The following KRT40 variants were observed in gnomAD, a reference collection of about 807,000 sequenced individuals.
KRT40 encodes the protein keratin 40.
In KRT40, 47 loss-of-function variants were observed where a neutral mutation model predicts 43.5. The observed-to-expected ratio is 1.08, with a 90% CI of 0.86 to 1.38. The LOEUF (loss-of-function observed/expected upper bound fraction) is 1.38, where lower values mean the gene tolerates loss of function less well. Among genes scored for constraint, KRT40 ranks in the 40% most tolerant of loss-of-function variants. KRT40 has a pLI of 0.00. For missense variants in KRT40, 573 were observed against 523.6 expected (o/e 1.09, Z -0.92); for synonymous variants, 212 against 214.0 (o/e 0.99, Z 0.08).
Position 40,980,825 on chromosome 17 carries a change from G to T in KRT40, c.935C>A (p.Ala312Asp), listed in dbSNP as rs754429823. ...QMEILELKRTASALEIELQAQ... is the reference protein window; with the variant it reads ...QMEILELKRTDSALEIELQAQ... Reference sequence around the variant, plus strand: ...TTGGAGCTCAATTTCCAGAGCACTGGCTGTGCGTTTCAGTTCCAAGATCTC... The same window carrying T: ...TTGGAGCTCAATTTCCAGAGCACTGTCTGTGCGTTTCAGTTCCAAGATCTC... The change falls in exon 5 of 7, where the codon GCC becomes GAC. Residue 312 changes from alanine to aspartate, a missense_variant. Coordinates refer to ENST00000377755, the MANE Select transcript of KRT40 (RefSeq NM_001389244.1). 1.9e-6 allele frequency: 3 copies of T among 1,612,298 alleles called. No individual in the cohort carries two copies. The highest frequency in any genetic ancestry group is 2.5e-6 in the Non-Finnish European group (3 of 1,179,884).
upstream of KRT40, chr17:40,986,460 A>G (rs1400383168): frequency 6.6e-6 from 1 of 152,204 alleles, no homozygotes; most frequent in Non-Finnish European, 1.5e-5. Flanking sequence ...TACAAGCACC[A>G]TCCTGTAAAA....
At chr17:40,983,786 T>C (rs1165869312) in intron 1 of KRT40, 41 bp downstream of exon 1, 4 of 1,581,042 alleles carry the variant, frequency 2.5e-6, no homozygotes, top group Middle Eastern at 1.7e-4. Context: ...AAGCAAACCA[T>C]AGATCAGGAA....
chr17:40,981,348 G>T (rs770578304), intron 3 of KRT40, 197 bp from the exon 4 acceptor site: 2 of 1,016,350 alleles, frequency 2.0e-6, no homozygotes, highest in Non-Finnish European at 3.0e-6. Context: ...ATAATAATTG[G>T]ACATTTTTCC....
rs763769467 is a variant in KRT40, at chr17:40,983,932, G to C, written c.342C>G (p.Asn114Lys). The C allele has an allele frequency of 4.3e-6, 7 of 1,614,056 alleles. No homozygotes were observed. Among genetic ancestry groups the C allele is most frequent in the Non-Finnish European group, 5.9e-6 (7 of 1,179,992 alleles). ...CTTGGATCCTGGATTCCAGCTCTGC[G>C]TTGGTCTCCTCCAGGCTGCGCACCT... ...LEKVRSLEET[N>K]AELESRIQEQ... The change falls in exon 1 of 7, where the codon AAC becomes AAG. Residue 114 changes from asparagine to lysine, a missense_variant. Coordinates refer to ENST00000377755, the MANE Select transcript of KRT40 (RefSeq NM_001389244.1).
intron 5 of KRT40, 53 bp downstream of exon 5, chr17:40,980,732 C>T (rs1431472258): frequency 1.3e-6 from 2 of 1,530,056 alleles, no homozygotes; most frequent in Non-Finnish European, 8.7e-7. Flanking sequence ...GGCTTAACAT[C>T]TCAGGGCCTG....
In KRT40 at chr17:40,978,299, G is replaced by A. The variant is rs781280835; in HGVS notation, c.1197-3C>T. The A allele has an allele frequency of 9.9e-6, 16 of 1,611,578 alleles. No individual in the cohort carries two copies. The highest frequency in any genetic ancestry group is 1.4e-5 in the Non-Finnish European group (16 of 1,177,920). ...TCGAACATGGGCTACAGGAAAGCCTGGGGAAAAATCGATTTTCAACCAAGA... is the reference window on the plus strand; with the variant it reads ...TCGAACATGGGCTACAGGAAAGCCTAGGGAAAAATCGATTTTCAACCAAGA... On this transcript the variant is annotated splice_polypyrimidine_tract_variant and splice_region_variant and intron_variant, in intron 6 of 6. Transcript: ENST00000377755.
Position 40,980,692 on chromosome 17 carries a change from A to G in KRT40, c.975+93T>C, listed in dbSNP as rs1013139935. The G allele has an allele frequency of 4.8e-5, 71 of 1,469,976 alleles. No individual in the cohort carries two copies. In the African/African-American group the frequency reaches 9.7e-4, roughly 20 times the overall value. 91.1% of individuals were successfully genotyped at this position (1,469,976 alleles called of 1,614,324 possible). Reference sequence around the variant, plus strand: ...GTAAACGGCAGTACTCGGGAAAGGCAAGGAAATGTGATCCTCGGATATGGA... The same window carrying G: ...GTAAACGGCAGTACTCGGGAAAGGCGAGGAAATGTGATCCTCGGATATGGA... On this transcript the variant is annotated intron_variant, in intron 5 of 6. Transcript: ENST00000377755.
chr17:40,982,900 C>G, intron 2 of KRT40, 146 bp downstream of exon 2: 1 of 485,832 alleles, frequency 2.1e-6, no homozygotes, highest in Non-Finnish European at 3.6e-6. Context: ...CCCGGCTACT[C>G]AGGAGGCTGA....
chr17:40,979,731 G>A lies in KRT40; in HGVS notation c.976-707C>T, dbSNP rs370406773. ...AAGAGAAGAGGCTCTGGATACCAGAGGCTGGGACTGGCATATGTGTGGTAA... is the reference window on the plus strand; with the variant it reads ...AAGAGAAGAGGCTCTGGATACCAGAAGCTGGGACTGGCATATGTGTGGTAA... On this transcript the variant is annotated intron_variant, in intron 5 of 6. Coordinates refer to ENST00000377755, the MANE Select transcript of KRT40 (RefSeq NM_001389244.1). 3.1e-4 allele frequency among the ~76,000 whole-genome samples: 47 copies of A among 152,274 alleles called. No individual in the cohort carries two copies. The East Asian group carries it at 4.6e-3, about 15-fold the overall frequency.
intron 1 of KRT40, among the ~76,000 whole-genome samples, chr17:40,983,621 T>G (rs1912298988): frequency 6.6e-6 from 1 of 152,190 alleles, no homozygotes; most frequent in Non-Finnish European, 1.5e-5. Context: ...CAAGTTACTT[T>G]ATTATAGTCA....
chr17:40,978,543 T>G (rs1426138664), intron 6 of KRT40, among the ~76,000 whole-genome samples: 1 of 152,242 alleles, frequency 6.6e-6, no homozygotes, highest in Admixed American at 6.5e-5. Context: ...GGCCTATTCC[T>G]GATTTTCCTT....
chr17:40,984,366 A>T (rs1912368215), upstream of KRT40: 1 of 894,318 alleles, frequency 1.1e-6, no homozygotes, highest in South Asian at 1.7e-5. Context: ...ACCCCCCAAA[A>T]TGGGTGTTTA....
intron 2 of KRT40, 131 bp from the exon 3 acceptor site, chr17:40,982,594 T>A (rs2143682595): frequency 1.6e-6 from 1 of 614,176 alleles, no homozygotes; most frequent in Non-Finnish European, 2.5e-6. Flanking sequence ...TAAGTAATGA[T>A]AAATTCAAGC....
rs1216868336 is a variant in KRT40 at position 40,981,147 on chromosome 17, A to G, written c.692T>C (p.Val231Ala). ...GCCAAGCTGTTCACGAAGCAAGTTG[A>G]CTTCCTGAAAGTGGGATGGTGTAAA... ...LCLKKNHEEEVNLLREQLGDR... is the reference protein window; with the variant it reads ...LCLKKNHEEEANLLREQLGDR... The change falls in exon 4 of 7, where the codon GTC becomes GCC. Residue 231 changes from valine to alanine, a missense_variant. Transcript: ENST00000377755. The G allele has an allele frequency of 1.9e-6, 3 of 1,613,510 alleles. No homozygotes were observed. The African/African-American group carries it at 4.0e-5, about 22-fold the overall frequency.
intron 2 of KRT40, 36 bp from the exon 3 acceptor site, chr17:40,982,499 G>T: frequency 6.7e-7 from 1 of 1,496,728 alleles, no homozygotes; most frequent in South Asian, 1.4e-5. Context: ...CGCTTACTTT[G>T]CTGAACGCTG....
At chr17:40,981,399 A>G in intron 3 of KRT40, 1 of 707,638 alleles carries the variant, frequency 1.4e-6, no homozygotes, top group Non-Finnish European at 2.5e-6. Flanking sequence ...ATCTACACAT[A>G]ATTAACTTAT....
chr17:40,980,239 G>A (rs1027865727), intron 5 of KRT40, among the ~76,000 whole-genome samples: 7 of 152,148 alleles, frequency 4.6e-5, no homozygotes, highest in Non-Finnish European at 1.0e-4. Flanking sequence ...CCTCTCACAG[G>A]ATGAATGCTC....
chr17:40,978,690 A>AT (rs1056753919), intron 6 of KRT40, 114 bp downstream of exon 6: 2 of 817,414 alleles, frequency 2.4e-6, no homozygotes, highest in Non-Finnish European at 1.9e-6. Context: ...TTTTAAGAAG[A>AT]TCCCTAAACA....
At chr17:40,981,861 G>T (rs1912174581) in intron 3 of KRT40, among the ~76,000 whole-genome samples, 1 of 130,620 alleles carries the variant, frequency 7.7e-6, no homozygotes, top group South Asian at 2.5e-4. Context: ...AATGCCTCGA[G>T]TAGTTTTTGT....
Sources: gnomAD v4.1 joint callset for allele counts (sites outside exome capture counted in the v4.1 genomes callset) on GRCh38, gnomAD v4.1.1 for gene constraint, MANE v1.5 for transcripts, NCBI Gene and HGNC (gene_info 2026-07-23, HGNC 2026-07-21) for gene names.